Variants in DTNA observed in about 807,000 individuals in gnomAD.
The protein encoded by DTNA is dystrobrevin alpha, also known as dystrophin-related protein 3.
Under a neutral mutation model 100.7 loss-of-function variants are expected in DTNA, and 43 were observed. That is an observed-to-expected ratio of 0.43 (90% confidence interval 0.33 to 0.55). The LOEUF is 0.55. DTNA is among the 20% of genes least tolerant of loss of function. The probability of loss-of-function intolerance (pLI) is 0.04; values close to 1 mark genes in which losing one functional copy is unlikely to be tolerated. For synonymous variants in DTNA, 349 were observed against 347.9 expected, an observed-to-expected ratio of 1.00 and a Z score of -0.04; for missense variants, 798 against 953.9, an observed-to-expected ratio of 0.84 and a Z score of 2.15.
At chr18:34,575,513 T>A (rs2048028882) in intron 1 of DTNA, among the ~76,000 whole-genome samples, 1 of 152,086 alleles carries the variant, frequency 6.6e-6, no homozygotes, top group Non-Finnish European at 1.5e-5. Flanking sequence ...CATGTAGAAT[T>A]TTTTCCAAAC....
intron 1 of DTNA, among the ~76,000 whole-genome samples, chr18:34,690,659 T>C (rs1183063553): frequency 5.3e-5 from 8 of 152,218 alleles, no homozygotes; most frequent in African/African-American, 1.9e-4. Context: ...TGATGTAATC[T>C]CAAGTACTTC....
At chr18:34,529,025 G>C (rs1467084781) in intron 1 of DTNA, among the ~76,000 whole-genome samples, 1 of 152,098 alleles carries the variant, frequency 6.6e-6, no homozygotes, top group African/African-American at 2.4e-5. Flanking sequence ...CACTGGCACT[G>C]CCTCTGCCCC....
At chr18:34,551,673 A>G (rs1418757524) in intron 1 of DTNA, among the ~76,000 whole-genome samples, 1 of 152,094 alleles carries the variant, frequency 6.6e-6, no homozygotes, top group Admixed American at 6.6e-5. Flanking sequence ...TATGTATAAT[A>G]TCTAGAGTTT....
chr18:34,874,318 T>C (rs2096794082), intron 17 of DTNA, among the ~76,000 whole-genome samples: 1 of 152,212 alleles, frequency 6.6e-6, no homozygotes, highest in Non-Finnish European at 1.5e-5. Flanking sequence ...CTGTTGTGTA[T>C]GCACTCAAGG....
At chr18:34,727,722 C>G (rs1483860547) in intron 1 of DTNA, among the ~76,000 whole-genome samples, 8 of 152,080 alleles carry the variant, frequency 5.3e-5, no homozygotes, top group Non-Finnish European at 7.4e-5. Flanking sequence ...GTGCCACCTT[C>G]CCTGGCTAAT....
intron 1 of DTNA, among the ~76,000 whole-genome samples, chr18:34,541,337 A>G (rs1055677850): frequency 2.0e-5 from 3 of 152,084 alleles, no homozygotes; most frequent in Admixed American, 6.6e-5. Context: ...GGGAACTGAT[A>G]TGATTTGGCT....
chr18:34,706,417 GT>G (rs1262991790), upstream of DTNA, among the ~76,000 whole-genome samples: 5 of 152,060 alleles, frequency 3.3e-5, no homozygotes, highest in African/African-American at 1.2e-4. Context: ...AAAGTTACAA[GT>G]TTTTATTATT....
chr18:34,820,690 T>C, intron 8 of DTNA, 101 bp from the exon 9 acceptor site: 1 of 1,568,634 alleles, frequency 6.4e-7, no homozygotes, highest in Non-Finnish European at 8.7e-7. Flanking sequence ...TGAAAAAGGA[T>C]TTCTTCCGTA....
chr18:34,732,409 GAC>G (rs1194331398), intron 1 of DTNA, among the ~76,000 whole-genome samples: 1 of 152,174 alleles, frequency 6.6e-6, no homozygotes, highest in African/African-American at 2.4e-5. Context: ...CCAAAGCAAA[GAC>G]ACTGGATTTG....
intron 1 of DTNA, among the ~76,000 whole-genome samples, chr18:34,725,500 C>T (rs926746586): frequency 6.6e-6 from 1 of 151,910 alleles, no homozygotes; most frequent in African/African-American, 2.4e-5. Flanking sequence ...TGAAAAAAAG[C>T]TCATCATCAC....
rs570485903 is a variant in DTNA at position 34,677,138 on chromosome 18, G to T, written c.-1-78838G>T. On this transcript the variant is annotated intron_variant, in intron 1 of 19. Transcript: ENST00000283365. ...TTTAATCACTATCTGTGATATATGG[G>T]GTGAAGTGGGGCCACTTCTTAGTAG... 3.3e-5 allele frequency among the ~76,000 whole-genome samples: 5 copies of T among 152,192 alleles called. No homozygotes were observed. The South Asian group carries it at 1.0e-3, about 32-fold the overall frequency.
chr18:34,689,395 A>G (rs2079400187), intron 1 of DTNA, among the ~76,000 whole-genome samples: 1 of 152,072 alleles, frequency 6.6e-6, no homozygotes, highest in African/African-American at 2.4e-5. Flanking sequence ...TCTAATAGTC[A>G]GGCCCCTCTG....
At chr18:34,600,258 C>G (rs909215333) in intron 1 of DTNA, among the ~76,000 whole-genome samples, 2 of 152,034 alleles carry the variant, frequency 1.3e-5, no homozygotes, top group African/African-American at 2.4e-5. Flanking sequence ...AATAGAAACA[C>G]ATTTATTTGC....
intron 1 of DTNA, among the ~76,000 whole-genome samples, chr18:34,577,166 T>C (rs2048188792): frequency 6.6e-6 from 1 of 152,192 alleles, no homozygotes; most frequent in Non-Finnish European, 1.5e-5. Context: ...GGAAGCCCTA[T>C]TTTTAGTTGT....
At chr18:34,627,219 A>G (rs1375069396) in intron 1 of DTNA, among the ~76,000 whole-genome samples, 1 of 152,176 alleles carries the variant, frequency 6.6e-6, no homozygotes, top group Non-Finnish European at 1.5e-5. Flanking sequence ...AAGTGACTTG[A>G]TCTTTTTTGT....
At chr18:34,624,735 C>G (rs2057071130) in intron 1 of DTNA, among the ~76,000 whole-genome samples, 1 of 152,194 alleles carries the variant, frequency 6.6e-6, no homozygotes, top group East Asian at 1.9e-4. Context: ...GGGACCGTGA[C>G]TCATCCAGAG....
At chr18:34,770,738 G>A (rs191273705) in intron 3 of DTNA, among the ~76,000 whole-genome samples, 1 of 149,978 alleles carries the variant, frequency 6.7e-6, no homozygotes, top group Admixed American at 6.6e-5. Context: ...ACACTAACTT[G>A]TAACCCCAAT....
intron 1 of DTNA, among the ~76,000 whole-genome samples, chr18:34,732,441 T>C (rs1397600941): frequency 6.6e-6 from 1 of 152,222 alleles, no homozygotes; most frequent in Non-Finnish European, 1.5e-5. Flanking sequence ...TCCTCTGCGA[T>C]CCTCCTTTAC....
intron 3 of DTNA, among the ~76,000 whole-genome samples, chr18:34,780,920 G>T (rs1298860351): frequency 1.3e-5 from 2 of 152,202 alleles, no homozygotes; most frequent in Admixed American, 1.3e-4. Context: ...TAACCTAGCT[G>T]CTCTGTCCTG....
Sources: allele counts gnomAD v4.1 joint callset (sites outside exome capture counted in the v4.1 genomes callset), GRCh38; gene constraint gnomAD v4.1.1; transcripts MANE v1.5; gene names NCBI Gene and HGNC (gene_info 2026-07-23, HGNC 2026-07-21).